The following GPC5 variants were observed in gnomAD, a reference collection of about 807,000 sequenced individuals.
GPC5 encodes glypican-5.
Under a neutral mutation model 53.9 loss-of-function variants are expected in GPC5, and 47 were observed. The ratio of observed to expected loss-of-function variants is 0.87; its 90% CI spans 0.69 to 1.11. The LOEUF (loss-of-function observed/expected upper bound fraction) is 1.11. Among genes scored for constraint, GPC5 ranks in the 50% most tolerant of loss-of-function variants. GPC5 has a pLI of 0.00. For synonymous variants in GPC5, 286 were observed against 263.3 expected (o/e 1.09, Z -0.84); for missense variants, 748 against 713.1 (o/e 1.05, Z -0.56).
chr13:92,131,880 AAGCACAT>A (rs1417326255), intron 6 of GPC5, among the ~76,000 whole-genome samples: 1 of 152,092 alleles, frequency 6.6e-6, no homozygotes, highest in Non-Finnish European at 1.5e-5. Context: ...TAGATTAATA[AAGCACAT>A]TTTGCCTATC....
At position 92,838,486 on chromosome 13, in the gene GPC5, C is replaced by G. The variant is rs541055368; in HGVS notation, c.1562-27796C>G. On this transcript the variant is annotated intron_variant, in intron 7 of 7. Coordinates refer to ENST00000377067, the MANE Select transcript of GPC5 (RefSeq NM_004466.6). ...CTACAGAGTGAGACTCCGCGCCCCCCCCAAAAAAAAAAAGAAAAAAAAGAA... is the reference window on the plus strand; with the variant it reads ...CTACAGAGTGAGACTCCGCGCCCCCGCCAAAAAAAAAAAGAAAAAAAAGAA... Among the ~76,000 whole-genome samples, 9 of 145,274 alleles carry G rather than the reference C, an allele frequency of 6.2e-5. No homozygotes were observed. In the South Asian group the frequency reaches 9.2e-4, roughly 15 times the overall value.
chr13:92,543,315 TTCTC>T (rs1365358327), intron 7 of GPC5, among the ~76,000 whole-genome samples: 1 of 152,094 alleles, frequency 6.6e-6, no homozygotes, highest in Non-Finnish European at 1.5e-5. Context: ...CACAATTTGT[TTCTC>T]TCTCTTAAAT....
intron 2 of GPC5, among the ~76,000 whole-genome samples, chr13:91,512,648 G>A (rs550304967): frequency 7.2e-5 from 11 of 152,146 alleles, no homozygotes; most frequent in Non-Finnish European, 1.6e-4. Context: ...TCTTGGCTGG[G>A]GCTCCTCAGT....
intron 7 of GPC5, among the ~76,000 whole-genome samples, chr13:92,406,039 A>G (rs557053508): frequency 1.3e-5 from 2 of 152,292 alleles, no homozygotes; most frequent in South Asian, 4.1e-4. Flanking sequence ...TTTACCTAGG[A>G]AATATTTGCG....
chr13:92,817,364 A>C (rs1877512415), intron 7 of GPC5, among the ~76,000 whole-genome samples: 1 of 151,928 alleles, frequency 6.6e-6, no homozygotes, highest in African/African-American at 2.4e-5. Context: ...CCTTTCAAAT[A>C]TTTCGGTTTG....
chr13:92,011,989 G>A (rs768773014), intron 6 of GPC5, among the ~76,000 whole-genome samples: 1 of 152,126 alleles, frequency 6.6e-6, no homozygotes, highest in Non-Finnish European at 1.5e-5. Context: ...AATGGGGAAG[G>A]TTTGAGGAGA....
chr13:91,750,173 A>C (rs1315787569), intron 4 of GPC5, among the ~76,000 whole-genome samples: 1 of 152,196 alleles, frequency 6.6e-6, no homozygotes. Flanking sequence ...ACAGGGAACA[A>C]ATGCTACACT....
chr13:91,996,451 A>C (rs2040504613), intron 6 of GPC5: 2 of 152,290 alleles, frequency 1.3e-5, no homozygotes, highest in Admixed American at 1.3e-4. Context: ...CATTATAGTC[A>C]TCAGATATAG....
chr13:91,863,420 T>A (rs2039051477), intron 5 of GPC5, among the ~76,000 whole-genome samples: 1 of 152,220 alleles, frequency 6.6e-6, no homozygotes, highest in Non-Finnish European at 1.5e-5. Context: ...CTCAAATAGA[T>A]AGTTTTATTC....
intron 7 of GPC5, among the ~76,000 whole-genome samples, chr13:92,204,602 C>G (rs1403068606): frequency 6.6e-6 from 1 of 152,144 alleles, no homozygotes; most frequent in Non-Finnish European, 1.5e-5. Context: ...AACAATTCTG[C>G]GTTGATAATT....
chr13:92,749,489 T>TATTG (rs953247432), intron 7 of GPC5, among the ~76,000 whole-genome samples: 1 of 152,178 alleles, frequency 6.6e-6, no homozygotes, highest in Non-Finnish European at 1.5e-5. Context: ...TGGCTAGTTA[T>TATTG]ATTGATAGTA....
Position 91,760,705 on chromosome 13 carries a change from T to G in GPC5, c.1280+4285T>G, listed in dbSNP as rs188640769. Among the ~76,000 whole-genome samples the G allele has an allele frequency of 2.3e-3, 352 of 152,282 alleles. 2 individuals carry two copies. The highest frequency in any genetic ancestry group is 8.2e-3 in the African/African-American group (339 of 41,556). ...GTGTGCACAGACATTCTTCAAAGAC[T>G]AGGAGAGCCATACAGACTATTTTAA... On this transcript the variant is annotated intron_variant, in intron 5 of 7. Transcript: ENST00000377067.
chr13:92,330,186 T>A (rs547125056), intron 7 of GPC5, among the ~76,000 whole-genome samples: 10 of 152,272 alleles, frequency 6.6e-5, no homozygotes, highest in African/African-American at 2.4e-4. Flanking sequence ...GCTCAAGTTG[T>A]AGCCTGGAGG....
At position 91,498,451 on chromosome 13, in the gene GPC5, C is replaced by A. The variant is rs114986067; in HGVS notation, c.325+49529C>A. Among the ~76,000 whole-genome samples the A allele has an allele frequency of 7.8e-3, 1,185 of 151,930 alleles. 14 individuals carry two copies. The highest frequency in any genetic ancestry group is 0.028 in the African/African-American group (1,143 of 41,390). On this transcript the variant is annotated intron_variant, in intron 2 of 7. Transcript: ENST00000377067. ...AGCAGGGATTTGAGCACAATGGGTC[C>A]GCATGTGATGGTTTATGTAAGAAGG... is the stretch of plus-strand genomic sequence containing the variant.
chr13:91,770,608 G>A (rs1373191370), intron 5 of GPC5, among the ~76,000 whole-genome samples: 10 of 152,116 alleles, frequency 6.6e-5, no homozygotes, highest in African/African-American at 1.2e-4. Context: ...GACACTATGT[G>A]TCAGGAAATG....
At chr13:91,622,244 A>G (rs1338657520) in intron 2 of GPC5, among the ~76,000 whole-genome samples, 3 of 152,136 alleles carry the variant, frequency 2.0e-5, no homozygotes, top group African/African-American at 4.8e-5. Flanking sequence ...GCATCCTTCA[A>G]TCCAATCAAG....
intron 2 of GPC5, among the ~76,000 whole-genome samples, chr13:91,603,032 A>G (rs1275792344): frequency 2.6e-5 from 4 of 152,236 alleles, no homozygotes; most frequent in East Asian, 3.9e-4. Flanking sequence ...ATGTGAGTTT[A>G]GAAACATTTT....
intron 5 of GPC5, among the ~76,000 whole-genome samples, chr13:91,847,300 A>G (rs1350123128): frequency 6.6e-6 from 1 of 152,066 alleles, no homozygotes; most frequent in Non-Finnish European, 1.5e-5. Flanking sequence ...TGACTTTTAA[A>G]AGACTCCTTT....
At chr13:91,649,910 A>G (rs551841061) in intron 2 of GPC5, among the ~76,000 whole-genome samples, 59 of 152,216 alleles carry the variant, frequency 3.9e-4, no homozygotes, top group Admixed American at 7.9e-4. Context: ...TTTATAAAAT[A>G]CATAGATTTT....
Sources: gnomAD v4.1 joint callset for allele counts (sites outside exome capture counted in the v4.1 genomes callset) on GRCh38, gnomAD v4.1.1 for gene constraint, MANE v1.5 for transcripts, NCBI Gene and HGNC (gene_info 2026-07-23, HGNC 2026-07-21) for gene names.